The following ZFR variants were observed in gnomAD, a reference collection of about 807,000 sequenced individuals.
The protein encoded by ZFR is zinc finger RNA-binding protein.
In ZFR, 19 loss-of-function variants were observed where a neutral mutation model predicts 130.7. That is an observed-to-expected ratio of 0.15 (90% confidence interval 0.10 to 0.21). The LOEUF is 0.21. Among genes scored for constraint, ZFR ranks in the 10% least tolerant of loss-of-function variants. The pLI, the probability that ZFR is intolerant of heterozygous loss-of-function variation, is 1.00. For synonymous variants in ZFR, 466 were observed against 456.9 expected (o/e 1.02, Z -0.25); for missense variants, 872 against 1,321.5 (o/e 0.66, Z 5.27).
At chr5:32,388,431 A>T (rs1753084887) in intron 13 of ZFR, 38 bp downstream of exon 13, 1 of 1,600,180 alleles carries the variant, frequency 6.2e-7, no homozygotes, top group Admixed American at 1.7e-5. Flanking sequence ...CATAAGAAAA[A>T]CCAAAATTAC....
chr5:32,394,757 T>G (rs892622822), intron 11 of ZFR, among the ~76,000 whole-genome samples: 3 of 152,146 alleles, frequency 2.0e-5, no homozygotes, highest in Non-Finnish European at 2.9e-5. Context: ...TTGAAATATG[T>G]TTTCTCAATT....
At chr5:32,436,327 A>G (rs1330975067) in intron 2 of ZFR, among the ~76,000 whole-genome samples, 4 of 147,228 alleles carry the variant, frequency 2.7e-5, no homozygotes, top group Admixed American at 1.3e-4. Context: ...TTTTTTTTTT[A>G]TTTTTAGTAG....
At chr5:32,437,523 T>C (rs1472968372) in intron 2 of ZFR, among the ~76,000 whole-genome samples, 1 of 152,226 alleles carries the variant, frequency 6.6e-6, no homozygotes, top group Non-Finnish European at 1.5e-5. Context: ...ACAATCACTC[T>C]AATCCTGTAT....
chr5:32,440,419 G>A (rs560845460), intron 2 of ZFR, among the ~76,000 whole-genome samples: 10 of 152,248 alleles, frequency 6.6e-5, no homozygotes, highest in East Asian at 1.9e-4. Context: ...AGGCTGAGGC[G>A]GGCGGAGGAC....
intron 2 of ZFR, among the ~76,000 whole-genome samples, chr5:32,439,291 G>A (rs929412040): frequency 6.6e-6 from 1 of 152,094 alleles, no homozygotes. Context: ...TCAAAAACCT[G>A]TTCACCTGGT....
chr5:32,385,756 G>C, intron 14 of ZFR, 107 bp from the exon 15 acceptor site: 1 of 1,280,218 alleles, frequency 7.8e-7, no homozygotes, highest in Non-Finnish European at 1.1e-6. Flanking sequence ...CATTCTATAT[G>C]AGGACCAGAT....
At chr5:32,419,607 G>A (rs1337550991) in intron 3 of ZFR, among the ~76,000 whole-genome samples, 1 of 152,114 alleles carries the variant, frequency 6.6e-6, no homozygotes, top group East Asian at 1.9e-4. Context: ...CAAAGTGCTG[G>A]GATTACAGGC....
rs1188183522 is a variant in ZFR at position 32,415,133 on chromosome 5, G to A, written c.620C>T (p.Thr207Ile). ...TGGTTTTATGGCTGTCACTTGTCGA[G>A]TTTGCTGGGCTTGAGTATACTGAGT... ...GATQYTQAQQ[T>I]RQVTAIKPAT... Residue 207 changes from threonine to isoleucine, a missense_variant, in exon 5 of 20, where the codon ACT becomes ATT. By Grantham distance (89) the Thr-to-Ile change is moderately conservative. This residue lies in a region of ZFR where 240 missense variants were observed against 441.2 expected (regional missense o/e 0.54). Transcript: ENST00000265069. The A allele has an allele frequency of 6.2e-7, 1 of 1,614,086 alleles. No individual in the cohort carries two copies. Among genetic ancestry groups the A allele is most frequent in the Non-Finnish European group, 8.5e-7 (1 of 1,179,998 alleles).
At chr5:32,397,881 G>T (rs540851179) in intron 9 of ZFR, among the ~76,000 whole-genome samples, 1,406 of 79,546 alleles carry the variant, frequency 0.018, 19 homozygotes, top group Middle Eastern at 0.039. Context: ...TTTTTGAGAT[G>T]GAGTCTTGCT....
intron 13 of ZFR, 21 bp downstream of exon 13, chr5:32,388,448 T>C: frequency 6.2e-7 from 1 of 1,610,348 alleles, no homozygotes; most frequent in Non-Finnish European, 8.5e-7. Context: ...TTACACATGG[T>C]AAATAACTTT....
At chr5:32,365,144 T>C (rs1752514871) in intron 17 of ZFR, among the ~76,000 whole-genome samples, 1 of 152,226 alleles carries the variant, frequency 6.6e-6, no homozygotes, top group African/African-American at 2.4e-5. Context: ...TATTTAAGGC[T>C]TATCCATGTT....
chr5:32,411,715 G>GGT (rs1276784181), intron 5 of ZFR, among the ~76,000 whole-genome samples: 2 of 10,918 alleles, frequency 1.8e-4, no homozygotes, highest in Admixed American at 3.2e-3. Context: ...ATTGAGGGGG[G>GGT]GCGGGGAATA....
At chr5:32,413,757 T>A (rs1369475446) in intron 5 of ZFR, among the ~76,000 whole-genome samples, 1 of 152,212 alleles carries the variant, frequency 6.6e-6, no homozygotes, top group Non-Finnish European at 1.5e-5. Context: ...GGAGAGACAG[T>A]AAAGTCCTAT....
At chr5:32,442,723 T>G (rs961358152) in intron 2 of ZFR, among the ~76,000 whole-genome samples, 8 of 152,236 alleles carry the variant, frequency 5.3e-5, no homozygotes, top group African/African-American at 1.9e-4. Flanking sequence ...TGGCAGCATT[T>G]TTTTTTAGTG....
intron 15 of ZFR, 30 bp downstream of exon 15, chr5:32,385,478 A>G: frequency 6.2e-7 from 1 of 1,605,584 alleles, no homozygotes; most frequent in Non-Finnish European, 8.5e-7. Flanking sequence ...AAAAGTTAAT[A>G]GAAAGTAGAA....
chr5:32,375,497 C>A (rs974667289), intron 17 of ZFR, among the ~76,000 whole-genome samples: 2 of 152,072 alleles, frequency 1.3e-5, no homozygotes, highest in Non-Finnish European at 2.9e-5. Flanking sequence ...GGCAAAATAT[C>A]ATTTGTAGAT....
intron 3 of ZFR, among the ~76,000 whole-genome samples, chr5:32,418,773 T>G (rs1189687244): frequency 6.6e-6 from 1 of 152,162 alleles, no homozygotes; most frequent in Non-Finnish European, 1.5e-5. Context: ...AGAAAGAATA[T>G]AGCAAAACCA....
In ZFR at chr5:32,444,557, G is replaced by C. The variant is rs984966387; in HGVS notation, c.37+65C>G. ...CCCGGAGCCTGCCCCAACCCCCGCG[G>C]CTCCCCGCTGCCCGGGGCCAGGGAG... On this transcript the variant is annotated intron_variant, in intron 1 of 19. Transcript: ENST00000265069. The C allele has an allele frequency of 4.9e-6, 7 of 1,432,610 alleles. No homozygotes were observed. The Admixed American group carries it at 2.5e-4, about 51-fold the overall frequency. 88.7% of individuals were successfully genotyped at this position (1,432,610 alleles called of 1,614,324 possible).
chr5:32,404,365 T>G (rs558517545), intron 6 of ZFR, among the ~76,000 whole-genome samples: 2 of 152,308 alleles, frequency 1.3e-5, no homozygotes, highest in African/African-American at 2.4e-5. Context: ...GTTTTAAAAA[T>G]TTTATCTTTT....
Sources: gnomAD v4.1 joint callset for allele counts (sites outside exome capture counted in the v4.1 genomes callset) on GRCh38, gnomAD v4.1.1 for gene constraint, gnomAD v4.1.1 regional missense constraint, MANE v1.5 for transcripts, NCBI Gene and HGNC (gene_info 2026-07-23, HGNC 2026-07-21) for gene names.